The following ANKS1B variants were observed in gnomAD, a reference collection of about 807,000 sequenced individuals.
ANKS1B encodes the protein ankyrin repeat and sterile alpha motif domain containing 1B.
In ANKS1B, 36 loss-of-function variants were observed where a neutral mutation model predicts 148.3. The observed-to-expected ratio is 0.24, with a 90% CI of 0.19 to 0.32. The LOEUF is 0.32. ANKS1B is among the 10% of genes least tolerant of loss of function. The pLI, the probability that ANKS1B is intolerant of heterozygous loss-of-function variation, is 1.00. For missense variants in ANKS1B, 1,157 were observed against 1,542.6 expected (o/e 0.75, Z 4.19); for synonymous variants, 542 against 560.8 (o/e 0.97, Z 0.47).
At chr12:99,287,558 A>G (rs2079310989) in intron 12 of ANKS1B, among the ~76,000 whole-genome samples, 1 of 152,198 alleles carries the variant, frequency 6.6e-6, no homozygotes, top group South Asian at 2.1e-4. Flanking sequence ...CACAAGACAA[A>G]CTAAATAAGG....
chr12:99,042,147 T>G (rs1387354891), intron 17 of ANKS1B, among the ~76,000 whole-genome samples: 6 of 152,206 alleles, frequency 3.9e-5, no homozygotes. Context: ...TCAAGCTATT[T>G]ACCGTGTGAT....
At chr12:98,819,308 T>A (rs1481817114) in intron 19 of ANKS1B, among the ~76,000 whole-genome samples, 2 of 152,226 alleles carry the variant, frequency 1.3e-5, no homozygotes, top group East Asian at 3.8e-4. Context: ...GAATGACATG[T>A]TAATGTTGAT....
At chr12:99,557,079 C>T (rs1019782496) in intron 9 of ANKS1B, among the ~76,000 whole-genome samples, 7 of 152,104 alleles carry the variant, frequency 4.6e-5, no homozygotes, top group African/African-American at 1.7e-4. Flanking sequence ...TGACCTGTCC[C>T]TTTTCTCTAG....
intron 11 of ANKS1B, among the ~76,000 whole-genome samples, chr12:99,412,844 A>T (rs114947801): frequency 6.6e-6 from 1 of 152,232 alleles, no homozygotes; most frequent in Admixed American, 6.5e-5. Flanking sequence ...GAAAGTAAGT[A>T]TCATTGCCAT....
At chr12:99,034,497 G>A (rs535756569) in intron 17 of ANKS1B, among the ~76,000 whole-genome samples, 1 of 152,050 alleles carries the variant, frequency 6.6e-6, no homozygotes, top group Non-Finnish European at 1.5e-5. Flanking sequence ...TGCATTTTTT[G>A]TAGAGACGGG....
intron 17 of ANKS1B, among the ~76,000 whole-genome samples, chr12:98,850,106 C>CAG (rs2099514036): frequency 1.3e-5 from 2 of 151,720 alleles, no homozygotes; most frequent in Non-Finnish European, 2.9e-5. Context: ...CAGAGACAGA[C>CAG]AGACAACCCC....
At chr12:99,246,952 T>A in intron 12 of ANKS1B, 88 bp from the exon 13 acceptor site, 1 of 1,007,448 alleles carries the variant, frequency 9.9e-7, no homozygotes, top group South Asian at 1.6e-5. Context: ...ATGTGGGCTA[T>A]CCAAACATTT....
intron 14 of ANKS1B, among the ~76,000 whole-genome samples, chr12:99,179,378 GA>G (rs2078832968): frequency 7.5e-6 from 1 of 132,606 alleles, no homozygotes; most frequent in Non-Finnish European, 1.5e-5. Context: ...GCAGTGAGCC[GA>G]AATGGCACCA....
intron 17 of ANKS1B, among the ~76,000 whole-genome samples, chr12:98,898,573 A>G (rs2099767937): frequency 6.6e-6 from 1 of 152,258 alleles, no homozygotes; most frequent in South Asian, 2.1e-4. Flanking sequence ...CTTGCCACAG[A>G]ATCACTTATC....
At chr12:99,053,499 G>A (rs60192073) in intron 16 of ANKS1B, among the ~76,000 whole-genome samples, 190 bp from the exon 17 acceptor site, 1,715 of 152,226 alleles carry the variant, frequency 0.011, 46 homozygotes, top group East Asian at 0.093. Context: ...ACGCTGAATA[G>A]GTTTTCAAAA....
chr12:99,476,266 G>A (rs998439021), intron 10 of ANKS1B, among the ~76,000 whole-genome samples: 5 of 152,036 alleles, frequency 3.3e-5, no homozygotes, highest in African/African-American at 1.2e-4. Context: ...GGTGGCACAC[G>A]CTTGTAATCC....
At chr12:99,690,204 C>T (rs2098671716) in intron 8 of ANKS1B, among the ~76,000 whole-genome samples, 2 of 152,136 alleles carry the variant, frequency 1.3e-5, no homozygotes, top group African/African-American at 4.8e-5. Context: ...TAATTACCTC[C>T]ACCTGGTCCC....
intron 9 of ANKS1B, among the ~76,000 whole-genome samples, chr12:99,511,704 CA>C (rs1451194210): frequency 6.6e-6 from 1 of 151,886 alleles, no homozygotes; most frequent in Non-Finnish European, 1.5e-5. Context: ...GAACTGGTGA[CA>C]AAAACAGACA....
chr12:99,617,130 A>G (rs1424644279), intron 9 of ANKS1B, among the ~76,000 whole-genome samples: 2 of 152,224 alleles, frequency 1.3e-5, no homozygotes, highest in African/African-American at 4.8e-5. Context: ...ATCATTAAAA[A>G]GTCAGGAAAT....
intron 25 of ANKS1B, among the ~76,000 whole-genome samples, chr12:98,767,607 G>A (rs1476899744): frequency 1.3e-5 from 2 of 152,230 alleles, no homozygotes; most frequent in Admixed American, 1.3e-4. Flanking sequence ...CAAGGGTCTG[G>A]CAGCAAAGCC....
intron 17 of ANKS1B, among the ~76,000 whole-genome samples, chr12:98,952,838 C>T (rs768896362): frequency 2.0e-5 from 3 of 152,178 alleles, no homozygotes; most frequent in East Asian, 1.9e-4. Flanking sequence ...CATCCAAGTT[C>T]AAAATCATTG....
At chr12:99,436,915 T>G (rs1467380805) in intron 11 of ANKS1B, among the ~76,000 whole-genome samples, 1 of 152,006 alleles carries the variant, frequency 6.6e-6, no homozygotes, top group Non-Finnish European at 1.5e-5. Flanking sequence ...TGCTTCTTTT[T>G]GCTATGGTCC....
At chr12:99,914,120 C>T (rs2094095650) in intron 1 of ANKS1B, among the ~76,000 whole-genome samples, 1 of 152,180 alleles carries the variant, frequency 6.6e-6, no homozygotes, top group South Asian at 2.1e-4. Context: ...TGCACATACA[C>T]TACCCATGCC....
chr12:99,585,044 G>A (rs1315196497), intron 9 of ANKS1B, among the ~76,000 whole-genome samples: 1 of 152,066 alleles, frequency 6.6e-6, no homozygotes, highest in Non-Finnish European at 1.5e-5. Context: ...TTCCAACAGT[G>A]CCTCAATATC....
Sources: allele counts gnomAD v4.1 joint callset (sites outside exome capture counted in the v4.1 genomes callset), GRCh38; gene constraint gnomAD v4.1.1; transcripts MANE v1.5; gene names NCBI Gene and HGNC (gene_info 2026-07-23, HGNC 2026-07-21).